Variants in ZNF469 observed in about 807,000 individuals in gnomAD.
ZNF469 encodes the protein zinc finger protein 469.
A neutral mutation model predicts 1.0 loss-of-function variants in ZNF469; 1 was observed. The ratio of observed to expected loss-of-function variants is 1.00; its 90% CI spans 0.35 to 4.73. The LOEUF (loss-of-function observed/expected upper bound fraction) is 4.73, where lower values mean the gene tolerates loss of function less well. Ranked by LOEUF, ZNF469 falls within the 30% of genes most tolerant of loss-of-function variation. The probability of loss-of-function intolerance (pLI) is 0.16; values close to 1 mark genes in which losing one functional copy is unlikely to be tolerated. For missense variants in ZNF469, 6,100 were observed against 5,356.3 expected (o/e 1.14, Z -4.33); for synonymous variants, 2,703 against 2,363.4 (o/e 1.14, Z -4.17).
chr16:88,284,076 CG>C, the ZNF469 span, among the ~76,000 whole-genome samples: 350 of 39,412 alleles, frequency 8.9e-3, 52 homozygotes, highest in East Asian at 0.05. Context: ...CCAGTGTGCC[CG>C]AGGTCTGCGG....
In ZNF469 at chr16:88,428,980, C is replaced by T; in HGVS notation, c.1510C>T (p.Leu504=). The T allele has an allele frequency of 6.5e-7, 1 of 1,548,982 alleles. No homozygotes were observed. The highest frequency in any genetic ancestry group is 8.7e-7 in the Non-Finnish European group (1 of 1,146,586). ...CCACGGAATGGAGATGCTGAGCCGG[C>T]TGCCTTTCCCCGCGGGGGGCCCCGA... ...SPHGMEMLSR[L]PFPAGGPEWQ... Residue 504 remains leucine, a synonymous_variant, in exon 3 of 3, where the codon CTG becomes TTG. Coordinates refer to ENST00000565624, the MANE Select transcript of ZNF469 (RefSeq NM_001367624.2).
intron 1 of ZNF469, among the ~76,000 whole-genome samples, chr16:88,394,488 C>G (rs923014194): frequency 2.0e-5 from 3 of 152,226 alleles, no homozygotes; most frequent in African/African-American, 7.2e-5. Context: ...ATTTCACGTT[C>G]TGTTGGACTC....
chr16:88,117,573 C>CAGACCGTGGAGGTGCCACGTGCCTTCGG, the ZNF469 span, among the ~76,000 whole-genome samples: 3 of 22,228 alleles, frequency 1.3e-4, no homozygotes, highest in South Asian at 2.8e-3. Context: ...CGTGCCTTCA[C>CAGACCGTGGAGGTGCCACGTGCCTTCGG]GGACCGTGGA....
chr16:88,380,761 G>A (rs1395471341), upstream of ZNF469, among the ~76,000 whole-genome samples: 2 of 75,804 alleles, frequency 2.6e-5, no homozygotes, highest in Non-Finnish European at 5.4e-5. Flanking sequence ...TGCACTCACA[G>A]ACGTCCTCAC....
At chr16:88,136,669 C>T in the ZNF469 span, among the ~76,000 whole-genome samples, 24 of 152,338 alleles carry the variant, frequency 1.6e-4, no homozygotes, top group South Asian at 2.7e-3. Context: ...GAACGATGGA[C>T]GTCTGATGGC....
the ZNF469 span, among the ~76,000 whole-genome samples, chr16:88,364,033 C>T: frequency 6.6e-6 from 1 of 152,146 alleles, no homozygotes; most frequent in African/African-American, 2.4e-5. Flanking sequence ...GTGTCTTGTG[C>T]CATGTTTAAG....
chr16:88,193,813 T>C, the ZNF469 span: 2 of 152,272 alleles, frequency 1.3e-5, no homozygotes, highest in Non-Finnish European at 2.9e-5. Context: ...AGAGACAGTG[T>C]CTGGTGAGGC....
chr16:88,377,191 G>T, the ZNF469 span, among the ~76,000 whole-genome samples: 30 of 152,374 alleles, frequency 2.0e-4, no homozygotes, highest in South Asian at 4.1e-3. Context: ...CAGACCGTGT[G>T]TCCAAAAGCA....
At chr16:88,168,782 T>G in the ZNF469 span, among the ~76,000 whole-genome samples, 1 of 152,184 alleles carries the variant, frequency 6.6e-6, no homozygotes, top group African/African-American at 2.4e-5. This position sits in a 1 kb window ranked among gnomAD's most constrained non-coding sequence, Gnocchi z 4.3. Context: ...AACTGGGAGC[T>G]GACAGCTAAG....
chr16:88,436,017 T>C lies in ZNF469; in HGVS notation c.8547T>C (p.Pro2849=), dbSNP rs1347995171. ...PDASGSSAKD[P]PSLFDDEVSF... The stretch of plus-strand genomic sequence containing the variant: ...CCTCTGGCTCCAGTGCCAAGGATCC[T>C]CCAAGCTTGTTTGATGATGAGGTCT... The change falls in exon 3 of 3, where the codon CCT becomes CCC. Residue 2849 remains proline (P), a synonymous_variant. Coordinates refer to ENST00000565624, the MANE Select transcript of ZNF469 (RefSeq NM_001367624.2). 3 of 1,550,132 alleles carry C rather than the reference T, an allele frequency of 1.9e-6. No individual in the cohort carries two copies. The African/African-American group carries it at 4.1e-5, about 21-fold the overall frequency.
At chr16:88,124,939 T>C in the ZNF469 span, among the ~76,000 whole-genome samples, 2 of 152,248 alleles carry the variant, frequency 1.3e-5, no homozygotes, top group African/African-American at 4.8e-5. Flanking sequence ...ACTTTTTGTG[T>C]CCTATCCAAA....
At chr16:88,234,148 T>C in the ZNF469 span, among the ~76,000 whole-genome samples, 1 of 152,226 alleles carries the variant, frequency 6.6e-6, no homozygotes, top group Admixed American at 6.5e-5. Context: ...GTCTCAGCAG[T>C]CCCCGAGGAG....
the ZNF469 span, among the ~76,000 whole-genome samples, chr16:88,204,103 C>T: frequency 6.6e-6 from 1 of 151,302 alleles, no homozygotes; most frequent in African/African-American, 2.4e-5. Flanking sequence ...GCCGGAGGTG[C>T]CCCGTAACCC....
At chr16:88,286,132 G>T in the ZNF469 span, among the ~76,000 whole-genome samples, 1 of 152,238 alleles carries the variant, frequency 6.6e-6, no homozygotes, top group Non-Finnish European at 1.5e-5. Flanking sequence ...AACTGCCTTT[G>T]GCTTTTGGAG....
chr16:88,398,484 AG>A (rs1157590257), intron 1 of ZNF469, among the ~76,000 whole-genome samples: 3 of 151,172 alleles, frequency 2.0e-5, no homozygotes, highest in Non-Finnish European at 2.9e-5. Context: ...CCACGGATGA[AG>A]GGGGGCATGT....
chr16:88,376,622 T>G, the ZNF469 span, among the ~76,000 whole-genome samples: 1 of 152,244 alleles, frequency 6.6e-6, no homozygotes, highest in African/African-American at 2.4e-5. Context: ...ATTCCCATTT[T>G]GAAGGTCTGC....
chr16:88,301,350 C>G, the ZNF469 span, among the ~76,000 whole-genome samples: 1 of 152,030 alleles, frequency 6.6e-6, no homozygotes, highest in African/African-American at 2.4e-5. Flanking sequence ...GAGACGGGGT[C>G]TCACCATGTT....
At chr16:88,419,195 G>A (rs1326431003) in intron 1 of ZNF469, among the ~76,000 whole-genome samples, 1 of 152,268 alleles carries the variant, frequency 6.6e-6, no homozygotes, top group Admixed American at 6.5e-5. Context: ...GGAGAGGCTA[G>A]CTGGCTTCAG....
chr16:88,132,499 C>T, the ZNF469 span, among the ~76,000 whole-genome samples: 1 of 152,258 alleles, frequency 6.6e-6, no homozygotes, highest in African/African-American at 2.4e-5. Context: ...TTCCCAACAA[C>T]ACGTGGCCGT....
Sources: gnomAD v4.1 joint callset for allele counts (sites outside exome capture counted in the v4.1 genomes callset) on GRCh38, gnomAD v4.1.1 for gene constraint, Gnocchi (gnomAD v3.1) non-coding constraint, MANE v1.5 for transcripts, NCBI Gene and HGNC (gene_info 2026-07-23, HGNC 2026-07-21) for gene names.